The following MCFD2 variants were observed in gnomAD, a reference collection of about 807,000 sequenced individuals.
MCFD2 encodes multiple coagulation factor deficiency 2, ER cargo receptor complex subunit.
In MCFD2, 11 loss-of-function variants were observed where a neutral mutation model predicts 12.8. That is an observed-to-expected ratio of 0.86 (90% confidence interval 0.54 to 1.42). The LOEUF (loss-of-function observed/expected upper bound fraction) is 1.42. Ranked by LOEUF, MCFD2 falls within the 40% of genes most tolerant of loss-of-function variation. The pLI is 0.00. For missense variants in MCFD2, 191 were observed against 178.6 expected, an observed-to-expected ratio of 1.07 and a Z score of -0.40; for synonymous variants, 70 against 68.1, an observed-to-expected ratio of 1.03 and a Z score of -0.14.
At position 46,908,107 on chromosome 2, in the gene MCFD2, A is replaced by G. The variant is rs2289927; in HGVS notation, c.150-138T>C. 0.083 allele frequency: 73,324 copies of G among 885,612 alleles called. 4,345 individuals carry two copies. Among genetic ancestry groups the G allele is most frequent in the African/African-American group, 0.24 (14,777 of 60,492 alleles). The allele number at this position is 885,612 out of a possible 1,614,324, so 54.9% of individuals were successfully genotyped here. On this transcript the variant is annotated intron_variant, in intron 2 of 3. Transcript: ENST00000319466. This position sits in a 1 kb window ranked among gnomAD's most constrained non-coding sequence, Gnocchi z 4.5. ...ACACCAGCAGTGGCAGACCACACTC[A>G]AGGATTACACAGAGATAGACAAGGC... is the stretch of plus-strand genomic sequence containing the variant.
intron 3 of MCFD2, 44 bp from the exon 4 acceptor site, chr2:46,905,638 G>A (rs372597847): frequency 7.4e-5 from 118 of 1,588,942 alleles, no homozygotes; most frequent in African/African-American, 1.5e-4. Flanking sequence ...GCATTTTACC[G>A]GAAGAAGTGC....
At chr2:46,935,556 C>T (rs556054387) in intron 1 of MCFD2, among the ~76,000 whole-genome samples, 4 of 152,158 alleles carry the variant, frequency 2.6e-5, no homozygotes, top group East Asian at 3.8e-4. Flanking sequence ...TGCGTTATCA[C>T]AAAAATTGTC....
chr2:46,920,804 C>T (rs949311847), upstream of MCFD2, among the ~76,000 whole-genome samples: 2 of 151,982 alleles, frequency 1.3e-5, no homozygotes, highest in African/African-American at 2.4e-5. Flanking sequence ...TGAGGTCTCC[C>T]CTGCCTGAGG....
intron 1 of MCFD2, among the ~76,000 whole-genome samples, chr2:46,912,266 G>A (rs910816617): frequency 4.6e-5 from 7 of 152,246 alleles, no homozygotes; most frequent in African/African-American, 1.7e-4. Context: ...TTGAACCCGG[G>A]AGGCAGAGAT....
chr2:46,916,074 AG>A, upstream of MCFD2: 1 of 985,496 alleles, frequency 1.0e-6, no homozygotes, highest in Non-Finnish European at 1.2e-6. Context: ...GGAAGCCCTC[AG>A]GAACGTAGTT....
upstream of MCFD2, chr2:46,917,323 C>A (rs1306241100): frequency 3.2e-6 from 2 of 634,366 alleles, no homozygotes; most frequent in African/African-American, 3.7e-5. Context: ...TTTGAGGAAA[C>A]CCTATTAATT....
upstream of MCFD2, among the ~76,000 whole-genome samples, chr2:46,920,436 T>G (rs770391404): frequency 4.6e-5 from 7 of 152,050 alleles, no homozygotes; most frequent in Non-Finnish European, 1.0e-4. Flanking sequence ...TTCAAGCAGT[T>G]CTCCTGCCTC....
chr2:46,905,622 A>G (rs748896202), intron 3 of MCFD2, 28 bp from the exon 4 acceptor site: 8 of 1,489,006 alleles, frequency 5.4e-6, no homozygotes, highest in Non-Finnish European at 7.3e-6. Flanking sequence ...GACAATGATG[A>G]GTTGCGCATT....
chr2:46,934,448 AG>A (rs1398087072), intron 1 of MCFD2, among the ~76,000 whole-genome samples: 1 of 152,094 alleles, frequency 6.6e-6, no homozygotes, highest in Non-Finnish European at 1.5e-5. Context: ...TAGTAGAGAC[AG>A]GGTTTTGCCA....
intron 1 of MCFD2, among the ~76,000 whole-genome samples, chr2:46,933,742 G>A (rs372805212): frequency 2.0e-5 from 3 of 152,244 alleles, no homozygotes; most frequent in African/African-American, 7.2e-5. Context: ...ATATACTGAT[G>A]ATCTGAGTGG....
In MCFD2 at chr2:46,941,739, G is replaced by T. The variant is rs1326965891; in HGVS notation, c.-175C>A. 3 of 1,548,692 alleles carry T rather than the reference G, an allele frequency of 1.9e-6. No homozygotes were observed. The highest frequency in any genetic ancestry group is 2.6e-6 in the Non-Finnish European group (3 of 1,146,368). ...TTCCGGACACCGGTGAGTAAGGGAA[G>T]AGGCTGGCTCGCCGGCAGCGAGCGC... On this transcript the variant is annotated 5_prime_UTR_variant, in exon 1 of 3. Transcript: ENST00000409147. The surrounding 1 kb of genome is among the most constrained non-coding windows in gnomAD (Gnocchi z 4.2).
upstream of MCFD2, among the ~76,000 whole-genome samples, chr2:46,918,064 C>G (rs1297896084): frequency 2.0e-5 from 3 of 152,114 alleles, no homozygotes; most frequent in East Asian, 5.8e-4. Flanking sequence ...CTGACAATGA[C>G]CTCTCTGTGT....
At chr2:46,928,101 A>G (rs1669491965) in intron 1 of MCFD2, among the ~76,000 whole-genome samples, 2 of 151,704 alleles carry the variant, frequency 1.3e-5, no homozygotes, top group South Asian at 2.1e-4. Context: ...CATGTTGCCC[A>G]GGCTGGTCTC....
rs1399045817 is a variant in MCFD2 at position 46,937,853 on chromosome 2, ATG to A, written c.-8+3717_-8+3718del. Reference sequence around the variant, plus strand: ...CGGCAGTCTTCCCTGTGAAAGCAAAATGTGCTGTAATTAGTTCTTTGTCAAGA... The same window carrying A: ...CGGCAGTCTTCCCTGTGAAAGCAAAATGCTGTAATTAGTTCTTTGTCAAGA... On this transcript the variant is annotated intron_variant, in intron 1 of 2. Transcript: ENST00000409147. The surrounding 1 kb of genome is among the most constrained non-coding windows in gnomAD (Gnocchi z 4.0). 2.0e-5 allele frequency among the ~76,000 whole-genome samples: 3 copies of A among 152,326 alleles called. No individual in the cohort carries two copies. The East Asian group carries it at 5.8e-4, about 29-fold the overall frequency.
intron 1 of MCFD2, chr2:46,910,646 T>C (rs1668448442): frequency 3.9e-5 from 6 of 152,242 alleles, no homozygotes; most frequent in Admixed American, 3.9e-4. Flanking sequence ...TATGCCACCC[T>C]ACAACACTTA....
Position 46,904,848 on chromosome 2 carries a change from T to A in MCFD2, c.*615A>T, listed in dbSNP as rs1232844209. 6.0e-6 allele frequency: 1 copy of A among 165,956 alleles called. No homozygotes were observed. The highest frequency in any genetic ancestry group is 1.3e-5 in the Non-Finnish European group (1 of 75,756). 10.3% of individuals were successfully genotyped at this position (165,956 alleles called of 1,614,324 possible). On this transcript the variant is annotated 3_prime_UTR_variant, in exon 4 of 4. Transcript: ENST00000319466. ...GGTTTTGAATAGTGAGGACATGAGATTTGGAGGGGCCAGGGGTAGAATGAT... is the reference window on the plus strand; with the variant it reads ...GGTTTTGAATAGTGAGGACATGAGAATTGGAGGGGCCAGGGGTAGAATGAT...
chr2:46,910,384 TC>T (rs1187397567), intron 1 of MCFD2, among the ~76,000 whole-genome samples: 1 of 152,086 alleles, frequency 6.6e-6, no homozygotes, highest in African/African-American at 2.4e-5. Flanking sequence ...AACACTCACT[TC>T]CCAACAGGCA....
At position 46,940,562 on chromosome 2, in the gene MCFD2, G is replaced by GAAAT. The variant is rs1239695112; in HGVS notation, c.-8+1006_-8+1009dup. On this transcript the variant is annotated intron_variant, in intron 1 of 2. Transcript: ENST00000409147. The surrounding 1 kb of genome is among the most constrained non-coding windows in gnomAD (Gnocchi z 4.7). ...GATCACAGTCTTAGACCAGCATGAA[G>GAAAT]AAATAAATAAATACCAAGGTGGTGA... Among the ~76,000 whole-genome samples the GAAAT allele has an allele frequency of 2.6e-5, 4 of 152,374 alleles. No individual in the cohort carries two copies. In the South Asian group the frequency reaches 8.3e-4, roughly 32 times the overall value.
intron 1 of MCFD2, among the ~76,000 whole-genome samples, chr2:46,925,901 T>A (rs1246562251): frequency 1.3e-5 from 2 of 152,162 alleles, no homozygotes; most frequent in East Asian, 1.9e-4. Context: ...CTGCCTTGAG[T>A]TCTTAGATAC....
Sources: gnomAD v4.1 joint callset for allele counts (sites outside exome capture counted in the v4.1 genomes callset) on GRCh38, gnomAD v4.1.1 for gene constraint, Gnocchi (gnomAD v3.1) non-coding constraint, MANE v1.5 for transcripts, NCBI Gene and HGNC (gene_info 2026-07-23, HGNC 2026-07-21) for gene names.